PHF20: variants seen among roughly 807,000 people sequenced by gnomAD.
PHF20 encodes PHD finger protein 20, also known as glioma-expressed antigen 2.
Under a neutral mutation model 113.5 loss-of-function variants are expected in PHF20, and 23 were observed. The ratio of observed to expected loss-of-function variants is 0.20; its 90% CI spans 0.15 to 0.29. The LOEUF (loss-of-function observed/expected upper bound fraction) is 0.29, where lower values mean the gene tolerates loss of function less well. Among genes scored for constraint, PHF20 ranks in the 10% least tolerant of loss-of-function variants. The pLI, the probability that PHF20 is intolerant of heterozygous loss-of-function variation, is 1.00. For synonymous variants in PHF20, 434 were observed against 457.3 expected, an observed-to-expected ratio of 0.95 and a Z score of 0.65; for missense variants, 943 against 1,219.6, an observed-to-expected ratio of 0.77 and a Z score of 3.38.
intron 15 of PHF20, among the ~76,000 whole-genome samples, chr20:35,932,706 C>T (rs1041926649): frequency 2.0e-5 from 3 of 152,212 alleles, no homozygotes; most frequent in African/African-American, 7.2e-5. Context: ...TCTGGGATTA[C>T]AGGTGTGAGC....
chr20:35,847,776 G>T (rs1177848128), intron 4 of PHF20, among the ~76,000 whole-genome samples: 1 of 152,126 alleles, frequency 6.6e-6, no homozygotes, highest in Non-Finnish European at 1.5e-5. Context: ...GAATAGCTTA[G>T]AAATTAAATG....
At chr20:35,820,520 C>T (rs1050955496) in intron 2 of PHF20, among the ~76,000 whole-genome samples, 2 of 148,188 alleles carry the variant, frequency 1.3e-5, no homozygotes, top group African/African-American at 5.0e-5. Context: ...ATGATCTTGG[C>T]TCACTGCAAG....
At chr20:35,838,824 CA>C (rs11443640) in intron 2 of PHF20, among the ~76,000 whole-genome samples, 21 of 142,414 alleles carry the variant, frequency 1.5e-4, no homozygotes, top group Non-Finnish European at 1.7e-4. Context: ...TCCACCTCTA[CA>C]AAAAAAAAAA....
intron 2 of PHF20, among the ~76,000 whole-genome samples, chr20:35,808,472 G>GT (rs957971922): frequency 1.6e-3 from 236 of 144,720 alleles, no homozygotes; most frequent in Middle Eastern, 3.6e-3. Flanking sequence ...TTTGCTGGAA[G>GT]TTTTTTTTTT....
intron 9 of PHF20, among the ~76,000 whole-genome samples, chr20:35,891,032 C>T (rs6060666): frequency 0.098 from 14,864 of 152,174 alleles, 787 homozygotes; most frequent in Middle Eastern, 0.15. Context: ...GAGGCTAGCT[C>T]CCATGTTTGA....
At chr20:35,794,674 A>G (rs1238135141) in intron 1 of PHF20, among the ~76,000 whole-genome samples, 1 of 152,136 alleles carries the variant, frequency 6.6e-6, no homozygotes, top group Non-Finnish European at 1.5e-5. Flanking sequence ...TTTCCTCGAA[A>G]GTTCCAGAGT....
At chr20:35,796,701 T>C (rs2041672900) in intron 1 of PHF20, among the ~76,000 whole-genome samples, 4 of 152,206 alleles carry the variant, frequency 2.6e-5, no homozygotes, top group Non-Finnish European at 4.4e-5. Context: ...ATTCAAGTTA[T>C]GTTTATATCT....
chr20:35,931,336 A>C lies in PHF20; in HGVS notation c.2192A>C (p.Tyr731Ser), dbSNP rs761620013. 2 of 1,613,762 alleles carry C rather than the reference A, an allele frequency of 1.2e-6. No homozygotes were observed. The highest frequency in any genetic ancestry group is 1.7e-6 in the Non-Finnish European group (2 of 1,179,922). Reference protein sequence around the residue: ...MHGLAFLEENYSHQNAKKIVA... With the variant: ...MHGLAFLEENSSHQNAKKIVA... ...GGCCTGGCATTTCTAGAAGAGAACT[A>C]CTCCCATCAGAATGCCAAGAAGATC... The change falls in exon 15 of 18, where the codon TAC (tyrosine) becomes TCC (serine). Residue 731 changes from tyrosine to serine, a missense_variant. By Grantham distance (144) the Tyr-to-Ser change is moderately radical. Coordinates refer to ENST00000374012, the MANE Select transcript of PHF20 (RefSeq NM_016436.5).
intron 1 of PHF20, chr20:35,774,451 A>G (rs550147465): frequency 1.3e-5 from 2 of 152,264 alleles, no homozygotes; most frequent in East Asian, 1.9e-4. Flanking sequence ...AAGAGCCTCA[A>G]TAGTTCTTTC....
chr20:35,778,855 A>T (rs975545137), intron 1 of PHF20, among the ~76,000 whole-genome samples: 2 of 152,060 alleles, frequency 1.3e-5, no homozygotes, highest in Admixed American at 1.3e-4. Flanking sequence ...CTCTTTTGCC[A>T]AATAATGGAA....
chr20:35,833,884 C>A (rs1413449567), intron 2 of PHF20, among the ~76,000 whole-genome samples: 4 of 151,896 alleles, frequency 2.6e-5, no homozygotes, highest in Non-Finnish European at 4.4e-5. Context: ...ATGGTGAAAC[C>A]CCGTCTCTAC....
chr20:35,916,675 G>T (rs987841971), intron 12 of PHF20, among the ~76,000 whole-genome samples: 1 of 152,060 alleles, frequency 6.6e-6, no homozygotes, highest in Non-Finnish European at 1.5e-5. Flanking sequence ...CACCACGTTG[G>T]CCAGGCTGGT....
At chr20:35,831,839 A>G (rs2042362613) in intron 2 of PHF20, among the ~76,000 whole-genome samples, 1 of 152,164 alleles carries the variant, frequency 6.6e-6, no homozygotes, top group African/African-American at 2.4e-5. Context: ...CATTTGTGGT[A>G]CCTCAGCTGG....
At chr20:35,816,727 T>C (rs1375931381) in intron 2 of PHF20, among the ~76,000 whole-genome samples, 2 of 151,710 alleles carry the variant, frequency 1.3e-5, no homozygotes, top group South Asian at 2.1e-4. Flanking sequence ...GCTGGAATTA[T>C]AGGCGTGAGC....
intron 2 of PHF20, among the ~76,000 whole-genome samples, chr20:35,815,635 T>G (rs1481874246): frequency 6.6e-6 from 1 of 151,630 alleles, no homozygotes; most frequent in African/African-American, 2.4e-5. Context: ...CTGGCTAATT[T>G]TTTGTATTTT....
At chr20:35,779,883 C>A (rs1600718877) in intron 1 of PHF20, among the ~76,000 whole-genome samples, 1 of 152,144 alleles carries the variant, frequency 6.6e-6, no homozygotes, top group East Asian at 1.9e-4. Context: ...GAAACTTGGT[C>A]TGGAAATGTG....
intron 13 of PHF20, among the ~76,000 whole-genome samples, chr20:35,921,628 G>A (rs775525095): frequency 6.6e-6 from 1 of 151,892 alleles, no homozygotes; most frequent in Non-Finnish European, 1.5e-5. Context: ...AGGCTGCAGC[G>A]AGCCCTGGTT....
chr20:35,912,177 A>G (rs185203958), intron 10 of PHF20, among the ~76,000 whole-genome samples: 4 of 149,672 alleles, frequency 2.7e-5, no homozygotes, highest in Non-Finnish European at 5.9e-5. Context: ...ACGGGGTTTC[A>G]CCATGTTGGT....
chr20:35,842,340 A>AAAAAT (rs780070289), intron 2 of PHF20, among the ~76,000 whole-genome samples: 9 of 152,290 alleles, frequency 5.9e-5, no homozygotes, highest in Non-Finnish European at 5.9e-5. Flanking sequence ...ACTCTGTCTC[A>AAAAAT]AAAATAAAAT....
Sources: allele counts gnomAD v4.1 joint callset (sites outside exome capture counted in the v4.1 genomes callset), GRCh38; gene constraint gnomAD v4.1.1; transcripts MANE v1.5; gene names NCBI Gene and HGNC (gene_info 2026-07-23, HGNC 2026-07-21).